The following ATP8B4 variants were observed in gnomAD, a reference collection of about 807,000 sequenced individuals.
The protein encoded by ATP8B4 is probable phospholipid-transporting ATPase IM.
A neutral mutation model predicts 145.6 loss-of-function variants in ATP8B4; 133 were observed. The ratio of observed to expected loss-of-function variants is 0.91; its 90% CI spans 0.79 to 1.05. The LOEUF (loss-of-function observed/expected upper bound fraction) is 1.05, where lower values mean the gene tolerates loss of function less well. Among genes scored for constraint, ATP8B4 ranks in the 50% least tolerant of loss-of-function variants. The pLI, the probability that ATP8B4 is intolerant of heterozygous loss-of-function variation, is 0.00. For synonymous variants in ATP8B4, 507 were observed against 492.9 expected (o/e 1.03, Z -0.38); for missense variants, 1,458 against 1,425.2 (o/e 1.02, Z -0.37).
intron 12 of ATP8B4, among the ~76,000 whole-genome samples, chr15:49,979,236 T>C (rs1234917221): frequency 6.6e-6 from 1 of 152,124 alleles, no homozygotes; most frequent in African/African-American, 2.4e-5. Context: ...CCTGAATCCA[T>C]GTATCTATAG....
At chr15:50,153,628 C>CAT (rs2044375948) in intron 1 of ATP8B4, among the ~76,000 whole-genome samples, 1 of 129,068 alleles carries the variant, frequency 7.7e-6, no homozygotes, top group Non-Finnish European at 1.6e-5. Flanking sequence ...TGAGCCACTG[C>CAT]GCCCAGCCTA....
In ATP8B4 at chr15:49,928,561, G is replaced by A. The variant is rs376314645; in HGVS notation, c.1642+2558C>T. On this transcript the variant is annotated intron_variant, in intron 16 of 27. Transcript: ENST00000284509. ...AGCCACCTATGCTTTTTAAGTAGGGGGTAGTAAAATCAGGCCTATGTTTTA... is the reference window on the plus strand; with the variant it reads ...AGCCACCTATGCTTTTTAAGTAGGGAGTAGTAAAATCAGGCCTATGTTTTA... 2.6e-5 allele frequency among the ~76,000 whole-genome samples: 4 copies of A among 152,094 alleles called. No individual in the cohort carries two copies. The East Asian group carries it at 5.8e-4, about 22-fold the overall frequency.
At position 49,918,839 on chromosome 15, in the gene ATP8B4, C is replaced by T; in HGVS notation, c.2035G>A (p.Glu679Lys). The T allele has an allele frequency of 1.3e-6, 2 of 1,594,580 alleles. No individual in the cohort carries two copies. Among genetic ancestry groups the T allele is most frequent in the Non-Finnish European group, 1.7e-6 (2 of 1,166,194 alleles). Residue 679 changes from glutamate (E) to lysine (K), a missense_variant and splice_region_variant, in exon 19 of 28, where the codon GAA (glutamate) becomes AAA (lysine). By Grantham distance (56) the Glu-to-Lys change is moderately conservative. Transcript: ENST00000284509. The part of the protein sequence containing the change: ...KIWVLTGDKQ[E>K]TAINIGYACN... Reference sequence around the variant, plus strand: ...TCATCAACATCCATTTTCAAGTTACCTTGTTTGTCTCCTGTTAGGACCCAG... The same window carrying T: ...TCATCAACATCCATTTTCAAGTTACTTTGTTTGTCTCCTGTTAGGACCCAG...
chr15:50,138,660 G>C (rs2044165097), intron 1 of ATP8B4, among the ~76,000 whole-genome samples: 1 of 152,144 alleles, frequency 6.6e-6, no homozygotes, highest in South Asian at 2.1e-4. Flanking sequence ...ACCTTGTAAA[G>C]TCAACTGAAT....
chr15:50,020,246 C>A (rs2049436514), intron 6 of ATP8B4, among the ~76,000 whole-genome samples: 1 of 150,244 alleles, frequency 6.7e-6, no homozygotes, highest in South Asian at 2.1e-4. Context: ...TAGGCTACTG[C>A]AACAGGCCTT....
chr15:49,870,612 A>C (rs2033541861), intron 25 of ATP8B4, among the ~76,000 whole-genome samples: 1 of 152,194 alleles, frequency 6.6e-6, no homozygotes, highest in African/African-American at 2.4e-5. Flanking sequence ...AAGGATATTA[A>C]TGCTGCTGTC....
At chr15:49,956,210 TTTGTCTTAGAGATTGTAGAATAA>T (rs1347245915) in intron 14 of ATP8B4, among the ~76,000 whole-genome samples, 9 of 152,140 alleles carry the variant, frequency 5.9e-5, no homozygotes, top group Non-Finnish European at 1.3e-4. Flanking sequence ...TGACAGATGA[TTTGTCTTAGAGATTGTAGAATAA>T]TATTATTTTA....
intron 27 of ATP8B4, among the ~76,000 whole-genome samples, 154 bp from the exon 28 acceptor site, chr15:49,860,629 C>A (rs1786180568): frequency 6.6e-6 from 1 of 151,880 alleles, no homozygotes; most frequent in Non-Finnish European, 1.5e-5. Flanking sequence ...ATTTTCCACC[C>A]AAAAGATAAC....
intron 6 of ATP8B4, among the ~76,000 whole-genome samples, chr15:50,015,656 G>A (rs1002313582): frequency 4.6e-5 from 7 of 152,168 alleles, no homozygotes; most frequent in African/African-American, 1.7e-4. Context: ...CAAACACTCA[G>A]TGGACAGCAG....
intron 12 of ATP8B4, 105 bp downstream of exon 12, chr15:49,979,512 T>C: frequency 1.1e-6 from 1 of 936,562 alleles, no homozygotes; most frequent in South Asian, 3.4e-5. Flanking sequence ...TCATAAGCAG[T>C]TAAGAGCAAG....
chr15:50,092,042 C>G (rs1288845583), intron 2 of ATP8B4, among the ~76,000 whole-genome samples: 1 of 152,088 alleles, frequency 6.6e-6, no homozygotes, highest in Admixed American at 6.6e-5. Flanking sequence ...GAAACACTTG[C>G]TAATTCCTAA....
chr15:50,109,495 G>A (rs916229420), intron 1 of ATP8B4, among the ~76,000 whole-genome samples: 2 of 152,008 alleles, frequency 1.3e-5, no homozygotes, highest in African/African-American at 4.8e-5. Context: ...GCCCCACTTG[G>A]CCAGAGGGTA....
chr15:50,087,310 A>G lies in ATP8B4; in HGVS notation c.29-13125T>C, dbSNP rs867308752. 4.2e-3 allele frequency among the ~76,000 whole-genome samples: 482 copies of G among 115,422 alleles called. 8 individuals carry two copies. The highest frequency in any genetic ancestry group is 0.016 in the African/African-American group (457 of 29,214). 75.7% of individuals were successfully genotyped at this position (115,422 alleles called of 152,430 possible). A position where few individuals can be genotyped will look rare whatever the true frequency, so the allele number is the denominator to read the frequency against. On this transcript the variant is annotated intron_variant, in intron 2 of 27. Transcript: ENST00000284509. Reference sequence around the variant, plus strand: ...ATATATAGATCTATATCTATTATATATAATAGATATAGATCTATATTTATA... The same window carrying G: ...ATATATAGATCTATATCTATTATATGTAATAGATATAGATCTATATTTATA...
At chr15:50,106,876 G>T in intron 2 of ATP8B4, 63 bp downstream of exon 2, 1 of 1,495,498 alleles carries the variant, frequency 6.7e-7, no homozygotes, top group East Asian at 2.5e-5. Flanking sequence ...AAACTTCCAT[G>T]AAAAAATTAA....
intron 1 of ATP8B4, among the ~76,000 whole-genome samples, chr15:50,136,445 A>G (rs548737761): frequency 1.3e-5 from 2 of 152,302 alleles, no homozygotes; most frequent in Non-Finnish European, 2.9e-5. Flanking sequence ...TCAGTTCACC[A>G]CTCATACAGG....
intron 20 of ATP8B4, among the ~76,000 whole-genome samples, chr15:49,901,573 C>A (rs2038037534): frequency 6.6e-6 from 1 of 152,086 alleles, no homozygotes; most frequent in Non-Finnish European, 1.5e-5. Context: ...GCTTCAAGGG[C>A]TTAAGAACCA....
At position 50,001,369 on chromosome 15, in the gene ATP8B4, A is replaced by C. The variant is rs533843565; in HGVS notation, c.506+784T>G. ...TCCAAAGTAGGGTCCCACAGACTAA[A>C]GTACTATTTGAATAGCTCAATATGA... On this transcript the variant is annotated intron_variant, in intron 8 of 27. Transcript: ENST00000284509. Among the ~76,000 whole-genome samples, 29 of 152,336 alleles carry C rather than the reference A, an allele frequency of 1.9e-4. No individual in the cohort carries two copies. The East Asian group carries it at 4.4e-3, about 23-fold the overall frequency.
At chr15:50,114,102 TC>T (rs1399689864) in intron 1 of ATP8B4, among the ~76,000 whole-genome samples, 2,433 of 122,534 alleles carry the variant, frequency 0.02, 54 homozygotes, top group Non-Finnish European at 0.029. Context: ...TCTCCTAGTT[TC>T]TTTTTTTTTT....
At chr15:49,969,944 C>T (rs1181797497) in intron 13 of ATP8B4, among the ~76,000 whole-genome samples, 1 of 152,142 alleles carries the variant, frequency 6.6e-6, no homozygotes, top group Admixed American at 6.5e-5. Context: ...TGGCTTCATC[C>T]CTGGGATGTA....
Sources: gnomAD v4.1 joint callset for allele counts (sites outside exome capture counted in the v4.1 genomes callset) on GRCh38, gnomAD v4.1.1 for gene constraint, MANE v1.5 for transcripts, NCBI Gene and HGNC (gene_info 2026-07-23, HGNC 2026-07-21) for gene names.